NR4A3: variants seen among roughly 807,000 people sequenced by gnomAD.
NR4A3 encodes the protein nuclear receptor subfamily 4 group A member 3.
Under a neutral mutation model 55.6 loss-of-function variants are expected in NR4A3, and 13 were observed. The ratio of observed to expected loss-of-function variants is 0.23; its 90% CI spans 0.15 to 0.37. The LOEUF (loss-of-function observed/expected upper bound fraction) is 0.37, where lower values mean the gene tolerates loss of function less well. NR4A3 is among the 10% of genes least tolerant of loss of function. The pLI, the probability that NR4A3 is intolerant of heterozygous loss-of-function variation, is 1.00. For synonymous variants in NR4A3, 342 were observed against 357.9 expected, an observed-to-expected ratio of 0.96 and a Z score of 0.50; for missense variants, 646 against 822.8, an observed-to-expected ratio of 0.79 and a Z score of 2.63.
At chr9:99,827,426 T>A (rs1440062370) in intron 2 of NR4A3, among the ~76,000 whole-genome samples, 1 of 152,062 alleles carries the variant, frequency 6.6e-6, no homozygotes, top group Non-Finnish European at 1.5e-5. Context: ...AGGGGTCCAG[T>A]TTGTGCAGGC....
intron 7 of NR4A3, among the ~76,000 whole-genome samples, chr9:99,857,213 A>G (rs1001248244): frequency 1.3e-5 from 2 of 151,992 alleles, no homozygotes; most frequent in Non-Finnish European, 2.9e-5. Flanking sequence ...GCTCGGGGGG[A>G]AGAAATTGTT....
At chr9:99,857,195 A>C (rs183269001) in intron 7 of NR4A3, among the ~76,000 whole-genome samples, 2 of 152,306 alleles carry the variant, frequency 1.3e-5, no homozygotes, top group Non-Finnish European at 2.9e-5. Context: ...AATGGATTAA[A>C]TATGATGGCT....
At chr9:99,827,190 G>A (rs1307987420) in intron 2 of NR4A3, among the ~76,000 whole-genome samples, 1 of 151,848 alleles carries the variant, frequency 6.6e-6, no homozygotes, top group African/African-American at 2.4e-5. Flanking sequence ...TGCCTATTAT[G>A]ATAGTTATAA....
intron 5 of NR4A3, among the ~76,000 whole-genome samples, chr9:99,835,767 A>G (rs1272107432): frequency 1.3e-5 from 2 of 152,180 alleles, no homozygotes; most frequent in Non-Finnish European, 2.9e-5. Flanking sequence ...TGAAAAATCA[A>G]TCTAGTGTGT....
chr9:99,853,137 A>G (rs1343756997), intron 7 of NR4A3, among the ~76,000 whole-genome samples: 1 of 152,054 alleles, frequency 6.6e-6, no homozygotes, highest in African/African-American at 2.4e-5. Flanking sequence ...AAAGATGTCT[A>G]CTTTCAGGTT....
intron 7 of NR4A3, among the ~76,000 whole-genome samples, chr9:99,860,544 G>T (rs1004050726): frequency 6.6e-6 from 1 of 152,082 alleles, no homozygotes; most frequent in African/African-American, 2.4e-5. Context: ...CTTTTGTTTT[G>T]GGGAGAAAAT....
intron 1 of NR4A3, among the ~76,000 whole-genome samples, chr9:99,823,580 A>G (rs1156372522): frequency 6.6e-6 from 1 of 152,060 alleles, no homozygotes; most frequent in Non-Finnish European, 1.5e-5. Context: ...GAAATATTTT[A>G]TAGAATCAAG....
intron 5 of NR4A3, 140 bp downstream of exon 5, chr9:99,833,594 AT>A: frequency 6.2e-7 from 1 of 1,602,324 alleles, no homozygotes. Flanking sequence ...TTCTCGCTTC[AT>A]TTAGCAATTC....
chr9:99,828,550 G>T lies in NR4A3; in HGVS notation c.508G>T (p.Gly170Cys). The change falls in exon 3 of 8, where the codon GGC (glycine) becomes TGC (cysteine). Residue 170 changes from glycine (G) to cysteine (C), a missense_variant. Coordinates refer to ENST00000395097, the MANE Select transcript of NR4A3 (RefSeq NM_006981.4). The surrounding 1 kb of genome is among the most constrained non-coding windows in gnomAD (Gnocchi z 7.7). ...CTCGGCGCCCGGCTGCATCGCACCC[G>T]GCCCGCTGCTGGACCCGCCGATGAA... The part of the protein sequence containing the change: ...LPSAPGCIAP[G>C]PLLDPPMKAV... 6.6e-7 allele frequency: 1 copy of T among 1,525,418 alleles called. No homozygotes were observed. Among genetic ancestry groups the T allele is most frequent in the Non-Finnish European group, 8.8e-7 (1 of 1,142,422 alleles). The allele number at this position is 1,525,418 out of a possible 1,614,324, so 94.5% of individuals were successfully genotyped here.
At chr9:99,829,236 C>A (rs563148441) in intron 3 of NR4A3, among the ~76,000 whole-genome samples, 11 of 152,284 alleles carry the variant, frequency 7.2e-5, no homozygotes, top group African/African-American at 2.6e-4. Flanking sequence ...CCTGACACTG[C>A]CCTATGAACA....
intron 6 of NR4A3, among the ~76,000 whole-genome samples, chr9:99,845,642 C>T (rs1251154882): frequency 1.3e-5 from 2 of 152,150 alleles, no homozygotes; most frequent in African/African-American, 4.8e-5. Context: ...CCATCACCTC[C>T]CCAATTTCAT....
rs1443056064 is a variant in NR4A3 at position 99,832,651 on chromosome 9, A to C, written c.952-38A>C. On this transcript the variant is annotated intron_variant, in intron 3 of 7. Coordinates refer to ENST00000395097, the MANE Select transcript of NR4A3 (RefSeq NM_006981.4). ...CTTGTCAGGTCCTACCTCTTTCCAG[A>C]AACTATCAGTTGACTATCTTGTATT... The C allele has an allele frequency of 2.7e-6, 4 of 1,500,160 alleles. No homozygotes were observed. The African/African-American group carries it at 5.6e-5, about 21-fold the overall frequency. The allele number at this position is 1,500,160 out of a possible 1,614,324, so 92.9% of individuals were successfully genotyped here.
intron 7 of NR4A3, among the ~76,000 whole-genome samples, chr9:99,862,582 A>AAAAAGAG (rs1564041242): frequency 8.6e-6 from 1 of 116,184 alleles, no homozygotes; most frequent in African/African-American, 4.2e-5. Flanking sequence ...AAAAAAAAAA[A>AAAAAGAG]AGAGAGAGAA....
At chr9:99,851,993 C>A (rs1422975630) in intron 7 of NR4A3, among the ~76,000 whole-genome samples, 3 of 152,146 alleles carry the variant, frequency 2.0e-5, no homozygotes, top group African/African-American at 7.2e-5. Context: ...AAGAAGTGGG[C>A]AGTCTACTAG....
At chr9:99,831,793 C>T (rs1004511259) in intron 3 of NR4A3, among the ~76,000 whole-genome samples, 10 of 152,192 alleles carry the variant, frequency 6.6e-5, no homozygotes, top group South Asian at 2.1e-4. Context: ...ATTTGGAGGA[C>T]GAAATATGTT....
In NR4A3 at chr9:99,828,836, C is replaced by T; in HGVS notation, c.794C>T (p.Pro265Leu). Residue 265 changes from proline to leucine, a missense_variant, in exon 3 of 8, where the codon CCT becomes CTT. Pro to Leu is a moderately conservative substitution (Grantham distance 98). This residue lies in a region of NR4A3 where 426 missense variants were observed against 429.4 expected (regional missense o/e 0.99). Coordinates refer to ENST00000395097, the MANE Select transcript of NR4A3 (RefSeq NM_006981.4). This position sits in a 1 kb window ranked among gnomAD's most constrained non-coding sequence, Gnocchi z 7.7. The part of the protein sequence containing the change: ...AFPPLGLTPS[P>L]TASSLLGESP... The stretch of plus-strand genomic sequence containing the variant: ...CCGCCTCTCGGCCTCACGCCCTCCC[C>T]TACCGCGTCCAGCCTGCTGGGCGAG... 1.3e-6 allele frequency: 2 copies of T among 1,492,790 alleles called. No homozygotes were observed. Among genetic ancestry groups the T allele is most frequent in the Non-Finnish European group, 1.8e-6 (2 of 1,126,004 alleles). 92.5% of individuals were successfully genotyped at this position (1,492,790 alleles called of 1,614,324 possible). A position where few individuals can be genotyped will look rare whatever the true frequency, so the allele number is the denominator to read the frequency against.
At chr9:99,832,612 T>C in intron 3 of NR4A3, 77 bp from the exon 4 acceptor site, 1 of 1,232,800 alleles carries the variant, frequency 8.1e-7, no homozygotes, top group Non-Finnish European at 1.1e-6. Context: ...TTTCACATTG[T>C]AATTAAAATA....
intron 7 of NR4A3, among the ~76,000 whole-genome samples, chr9:99,848,165 C>T (rs887510454): frequency 6.6e-6 from 1 of 152,176 alleles, no homozygotes; most frequent in Non-Finnish European, 1.5e-5. Context: ...CCAGCCCATT[C>T]CTGTGGAGCA....
Position 99,827,272 on chromosome 9 carries a change from G to A in NR4A3, c.-2-769G>A, listed in dbSNP as rs1348812527. On this transcript the variant is annotated intron_variant, in intron 2 of 7. Transcript: ENST00000395097. ...GGGATATATATATGTGTGTGTGTGTGTGTGTGTGTGTGTGTGTGTATATAT... is the reference window on the plus strand; with the variant it reads ...GGGATATATATATGTGTGTGTGTGTATGTGTGTGTGTGTGTGTGTATATAT... 1.1e-4 allele frequency among the ~76,000 whole-genome samples: 15 copies of A among 131,120 alleles called. No homozygotes were observed. In the East Asian group the frequency reaches 2.9e-3, roughly 25 times the overall value. The allele number at this position is 131,120 out of a possible 152,430, so 86.0% of individuals were successfully genotyped here.
Sources: allele counts gnomAD v4.1 joint callset (sites outside exome capture counted in the v4.1 genomes callset), GRCh38; gene constraint gnomAD v4.1.1; regional missense constraint gnomAD v4.1.1; non-coding constraint Gnocchi (gnomAD v3.1); transcripts MANE v1.5; gene names NCBI Gene and HGNC (gene_info 2026-07-23, HGNC 2026-07-21).